Variants in SYTL5 observed in about 807,000 individuals in gnomAD.
SYTL5 encodes the protein synaptotagmin like 5.
SYTL5 carries 34 observed loss-of-function variants against 55.9 expected under a neutral mutation model. The observed-to-expected ratio is 0.61, with a 90% CI of 0.46 to 0.81. SYTL5 has a LOEUF of 0.81. Among genes scored for constraint, SYTL5 ranks in the 30% least tolerant of loss-of-function variants. The probability of loss-of-function intolerance (pLI) is 0.00; values close to 1 mark genes in which losing one functional copy is unlikely to be tolerated. For missense variants in SYTL5, 637 were observed against 546.7 expected, an observed-to-expected ratio of 1.17 and a Z score of -1.65; for synonymous variants, 221 against 188.7, an observed-to-expected ratio of 1.17 and a Z score of -1.40.
intron 3 of SYTL5, among the ~76,000 whole-genome samples, chrX:38,058,277 T>A (rs1935845892): frequency 9.0e-6 from 1 of 111,533 alleles, no homozygotes; most frequent in Admixed American, 9.5e-5. Context: ...AATCTGCATA[T>A]CCAATCAGAT....
intron 1 of SYTL5, among the ~76,000 whole-genome samples, chrX:38,010,570 T>G (rs1934145652): frequency 8.9e-6 from 1 of 112,167 alleles, no homozygotes; most frequent in Non-Finnish European, 1.9e-5. Context: ...TTTTGTGTTG[T>G]GAAATATGTC....
At chrX:38,110,293 A>G in intron 12 of SYTL5, 28 bp from the exon 13 acceptor site, 1 of 1,138,777 alleles carries the variant, frequency 8.8e-7, no homozygotes, top group Admixed American at 2.5e-5. Flanking sequence ...CTCCTTGTGG[A>G]GTGTAATGTT....
the SYTL5 span, chrX:37,946,422 G>T: frequency 4.7e-6 from 1 of 214,065 alleles, no homozygotes; most frequent in Non-Finnish European, 8.8e-6. Flanking sequence ...TGAGTTTCAA[G>T]CTCCATTTGG....
chrX:38,053,096 A>G (rs1935669956), intron 2 of SYTL5, among the ~76,000 whole-genome samples: 1 of 112,495 alleles, frequency 8.9e-6, no homozygotes, highest in African/African-American at 3.2e-5. Context: ...CTGAATCTCC[A>G]AAGCTGTGCT....
At chrX:38,067,007 A>G (rs1602361858) in intron 3 of SYTL5, among the ~76,000 whole-genome samples, 1 of 111,835 alleles carries the variant, frequency 8.9e-6, no homozygotes, top group Non-Finnish European at 1.9e-5. Flanking sequence ...CTCACTAAGT[A>G]TTAGTTTCCT....
the SYTL5 span, among the ~76,000 whole-genome samples, chrX:37,901,865 A>T: frequency 8.9e-6 from 1 of 111,747 alleles, no homozygotes; most frequent in South Asian, 3.7e-4. Context: ...CCAGAGGCAT[A>T]AATTTGGGAG....
chrX:38,034,534 T>A (rs1935047782), intron 2 of SYTL5, among the ~76,000 whole-genome samples: 1 of 112,475 alleles, frequency 8.9e-6, no homozygotes, highest in African/African-American at 3.2e-5. Context: ...CCAGCACAGC[T>A]GCGAGAAGAA....
the SYTL5 span, among the ~76,000 whole-genome samples, chrX:37,976,926 C>CACT: frequency 9.1e-6 from 1 of 109,553 alleles, no homozygotes; most frequent in African/African-American, 3.3e-5. Context: ...ATTGCACCAC[C>CACT]GCACTCCAAC....
the SYTL5 span, among the ~76,000 whole-genome samples, chrX:37,914,813 A>G: frequency 1.8e-5 from 2 of 112,081 alleles, no homozygotes; most frequent in Non-Finnish European, 3.8e-5. Flanking sequence ...CTCAGTGAAA[A>G]GCCTCCTCTA....
chrX:37,974,842 A>G, the SYTL5 span, among the ~76,000 whole-genome samples: 20,656 of 111,581 alleles, frequency 0.19, 1,784 homozygotes, highest in Non-Finnish European at 0.27. Flanking sequence ...GGCAGAAGGG[A>G]AGTATGTGTG....
chrX:38,047,012 A>G (rs1409287500), intron 2 of SYTL5, among the ~76,000 whole-genome samples: 1 of 112,221 alleles, frequency 8.9e-6, no homozygotes, highest in African/African-American at 3.2e-5. Flanking sequence ...GGTCTTGGGC[A>G]GCTCCACCCT....
chrX:38,096,188 A>C lies in SYTL5; in HGVS notation c.1016A>C (p.Asp339Ala), dbSNP rs780783437. 1.7e-6 allele frequency: 2 copies of C among 1,198,230 alleles called. No individual in the cohort carries two copies. Among genetic ancestry groups the C allele is most frequent in the Non-Finnish European group, 1.1e-6 (1 of 885,536 alleles). The stretch of plus-strand genomic sequence containing the variant: ...GAGTCATTTACAGAAGACTCAGAGG[A>C]TACTGTAAGCATAAGAAGCAAGTCT... ...LSESFTEDSE[D>A]TVSIRSKSVP... The change falls in exon 9 of 17, where the codon GAT (aspartate) becomes GCT (alanine). Residue 339 changes from aspartate to alanine, a missense_variant. By Grantham distance (126) the Asp-to-Ala change is moderately radical (BLOSUM62 -2). Coordinates refer to ENST00000297875, the MANE Select transcript of SYTL5 (RefSeq NM_138780.3).
chrX:37,958,857 CACGTCAAA>C, the SYTL5 span, among the ~76,000 whole-genome samples: 9 of 112,331 alleles, frequency 8.0e-5, no homozygotes, highest in Non-Finnish European at 1.3e-4. Context: ...CTGGTCTTAG[CACGTCAAA>C]ACCCCAACAG....
At chrX:38,049,031 A>G (rs1192875104) in intron 2 of SYTL5, among the ~76,000 whole-genome samples, 1 of 111,707 alleles carries the variant, frequency 9.0e-6, no homozygotes, top group Non-Finnish European at 1.9e-5. Context: ...TTGTCTCTGA[A>G]TCTTACAAAA....
At chrX:37,893,590 T>TATA in the SYTL5 span, among the ~76,000 whole-genome samples, 1 of 86,596 alleles carries the variant, frequency 1.2e-5, no homozygotes, top group African/African-American at 4.4e-5. Flanking sequence ...ATAATCTATA[T>TATA]ATTATCTATA....
intron 2 of SYTL5, among the ~76,000 whole-genome samples, chrX:38,034,267 A>T (rs1039648655): frequency 1.8e-5 from 2 of 112,449 alleles, no homozygotes; most frequent in Admixed American, 1.9e-4. Flanking sequence ...TTTAGTTAAG[A>T]GGAAGGACTA....
chrX:37,925,490 C>T, the SYTL5 span, among the ~76,000 whole-genome samples: 4 of 112,036 alleles, frequency 3.6e-5, no homozygotes, highest in East Asian at 8.4e-4. Flanking sequence ...TGCTAGTTTC[C>T]ATTCCCACCA....
At position 38,019,724 on chromosome X, in the gene SYTL5, C is replaced by T. The variant is rs190846992; in HGVS notation, c.-357+13056C>T. ...GGCTCACTGCACCCTCCACCTCCCA[C>T]GTGGAGGGTGCCTCAGCCCGGGTGC... On this transcript the variant is annotated intron_variant, in intron 1 of 16. Coordinates refer to ENST00000297875, the MANE Select transcript of SYTL5 (RefSeq NM_138780.3). 7.2e-5 allele frequency among the ~76,000 whole-genome samples: 8 copies of T among 111,323 alleles called. No individual in the cohort carries two copies. In the East Asian group the frequency reaches 1.1e-3, roughly 16 times the overall value.
the SYTL5 span, among the ~76,000 whole-genome samples, chrX:37,924,698 T>C: frequency 1.8e-5 from 2 of 111,350 alleles, no homozygotes; most frequent in South Asian, 7.5e-4. Context: ...ATATTACATA[T>C]TTATTGTTTC....
Sources: allele counts gnomAD v4.1 joint callset (sites outside exome capture counted in the v4.1 genomes callset), GRCh38; gene constraint gnomAD v4.1.1; transcripts MANE v1.5; gene names NCBI Gene and HGNC (gene_info 2026-07-23, HGNC 2026-07-21).